The following RIMS2 variants were observed in gnomAD, a reference collection of about 807,000 sequenced individuals.
RIMS2 encodes the protein regulating synaptic membrane exocytosis 2.
In RIMS2, 59 loss-of-function variants were observed where a neutral mutation model predicts 174.4. The ratio of observed to expected loss-of-function variants is 0.34; its 90% CI spans 0.27 to 0.42. RIMS2 has a LOEUF of 0.42. Among genes scored for constraint, RIMS2 ranks in the 10% least tolerant of loss-of-function variants. The probability of loss-of-function intolerance (pLI) is 1.00; values close to 1 mark genes in which losing one functional copy is unlikely to be tolerated. For synonymous variants in RIMS2, 606 were observed against 572.5 expected (o/e 1.06, Z -0.84); for missense variants, 1,620 against 1,666.3 (o/e 0.97, Z 0.48).
chr8:103,987,747 A>G (rs1459198951), intron 16 of RIMS2, among the ~76,000 whole-genome samples: 1 of 152,210 alleles, frequency 6.6e-6, no homozygotes, highest in African/African-American at 2.4e-5. Flanking sequence ...CCAAAATATT[A>G]AAACTAATAT....
In RIMS2 at chr8:103,856,837, C is replaced by T. The variant is rs556127823; in HGVS notation, c.699-28461C>T. Among the ~76,000 whole-genome samples, 8 of 151,540 alleles carry T rather than the reference C, an allele frequency of 5.3e-5. No homozygotes were observed. In the South Asian group the frequency reaches 8.4e-4, roughly 16 times the overall value. ...TTTTTTTTTCTTTGAGAAGGAGTCT[C>T]GCTTTGTCGCCCAGGCTGGAGTGCA... On this transcript the variant is annotated intron_variant, in intron 3 of 23. Transcript: ENST00000504942.
chr8:103,855,976 TGTGTGGTTGTCTAAGTCTTTTC>T (rs550858899), intron 3 of RIMS2, among the ~76,000 whole-genome samples: 2 of 152,164 alleles, frequency 1.3e-5, no homozygotes, highest in Non-Finnish European at 2.9e-5. Context: ...TCACTATTAT[TGTGTGGTTGTCTAAGTCTTTTC>T]GTAGGCCAAG....
chr8:103,795,108 T>C (rs2098538941), intron 3 of RIMS2, among the ~76,000 whole-genome samples: 1 of 152,148 alleles, frequency 6.6e-6, no homozygotes, highest in African/African-American at 2.4e-5. Context: ...GGATTATAAA[T>C]CATGCTGCTA....
In RIMS2 at chr8:104,020,285, T is replaced by C. The variant is rs998084534; in HGVS notation, c.3334+5670T>C. 2.2e-4 allele frequency among the ~76,000 whole-genome samples: 33 copies of C among 152,014 alleles called. 2 individuals are homozygous for C. Among genetic ancestry groups the C allele is most frequent in the Admixed American group, 2.1e-3 (32 of 15,274 alleles). ...TCACTATTGTCTATTTTCAATATTATAAAGACAATGAGGGAGAAACATCAA... is the reference window on the plus strand; with the variant it reads ...TCACTATTGTCTATTTTCAATATTACAAAGACAATGAGGGAGAAACATCAA... On this transcript the variant is annotated intron_variant, in intron 19 of 23. Coordinates refer to ENST00000504942, the Ensembl canonical transcript of RIMS2.
intron 16 of RIMS2, among the ~76,000 whole-genome samples, chr8:103,983,417 C>T (rs762650108): frequency 6.6e-6 from 1 of 152,094 alleles, no homozygotes; most frequent in African/African-American, 2.4e-5. Context: ...CATGTGGAGC[C>T]ACAAAAGACA....
chr8:103,675,451 G>T (rs1350244791), intron 1 of RIMS2, among the ~76,000 whole-genome samples: 3 of 152,178 alleles, frequency 2.0e-5, no homozygotes, highest in Admixed American at 2.0e-4. Flanking sequence ...GCTTGACTCG[G>T]CCCTGCAGCT....
At chr8:104,203,244 T>G (rs2099063430) in intron 19 of RIMS2, among the ~76,000 whole-genome samples, 1 of 152,102 alleles carries the variant, frequency 6.6e-6, no homozygotes, top group Non-Finnish European at 1.5e-5. Context: ...ACCAAAAATG[T>G]TATCATGTAT....
chr8:104,193,258 G>T (rs1373750667), intron 19 of RIMS2, among the ~76,000 whole-genome samples: 1 of 152,026 alleles, frequency 6.6e-6, no homozygotes, highest in African/African-American at 2.4e-5. Context: ...TTCTGATTGA[G>T]TACTGTGGTT....
chr8:103,500,782 T>C lies in RIMS2; in HGVS notation c.-105T>C, dbSNP rs942843869. On this transcript the variant is annotated 5_prime_UTR_variant, in exon 1 of 24. It removes an upstream start codon present in the reference 5' UTR. Coordinates refer to ENST00000504942, the Ensembl canonical transcript of RIMS2. ...TTGGATTGAAGGCCATTGATTTGTA[T>C]GTATTTGTCCCAGCGCTGGAGGCTG... 6.5e-6 allele frequency: 4 copies of C among 613,202 alleles called. No individual in the cohort carries two copies. Among genetic ancestry groups the C allele is most frequent in the East Asian group, 3.2e-5 (1 of 31,614 alleles). The allele number at this position is 613,202 out of a possible 1,614,324, so 38.0% of individuals were successfully genotyped here. A position where few individuals can be genotyped will look rare whatever the true frequency, so the allele number is the denominator to read the frequency against.
chr8:103,765,977 A>G (rs2098166187), intron 2 of RIMS2, among the ~76,000 whole-genome samples: 1 of 152,122 alleles, frequency 6.6e-6, no homozygotes, highest in Admixed American at 6.5e-5. Context: ...ATACAAATGA[A>G]CAATCAGCAA....
intron 19 of RIMS2, among the ~76,000 whole-genome samples, chr8:104,075,359 T>A (rs1013097711): frequency 6.6e-6 from 1 of 152,208 alleles, no homozygotes; most frequent in African/African-American, 2.4e-5. Context: ...GCATTCTTCT[T>A]TGGAATAAGC....
At chr8:104,144,097 G>A (rs1207497079) in intron 19 of RIMS2, among the ~76,000 whole-genome samples, 1 of 151,892 alleles carries the variant, frequency 6.6e-6, no homozygotes, top group East Asian at 1.9e-4. Context: ...TGTTTCACTT[G>A]CTTTGTAGTT....
intron 1 of RIMS2, among the ~76,000 whole-genome samples, chr8:103,531,935 A>G (rs1837377936): frequency 6.6e-6 from 1 of 152,160 alleles, no homozygotes; most frequent in African/African-American, 2.4e-5. Flanking sequence ...AAGAAAAATA[A>G]TTAGTTAGAA....
At position 103,848,668 on chromosome 8, in the gene RIMS2, GT is replaced by G. The variant is rs565363697; in HGVS notation, c.699-36628del. Among the ~76,000 whole-genome samples the G allele has an allele frequency of 4.9e-3, 738 of 152,130 alleles. 4 individuals are homozygous for G. The highest frequency in any genetic ancestry group is 0.017 in the African/African-American group (720 of 41,540). On this transcript the variant is annotated intron_variant, in intron 3 of 23. Coordinates refer to ENST00000504942, the Ensembl canonical transcript of RIMS2. ...CTATTCTAGAACCCTATGGGTTTATGTTGTTCTACCACAGATATCTCTAGTA... is the reference window on the plus strand; with the variant it reads ...CTATTCTAGAACCCTATGGGTTTATGTGTTCTACCACAGATATCTCTAGTA...
intron 1 of RIMS2, among the ~76,000 whole-genome samples, chr8:103,691,563 C>G (rs978327235): frequency 1.3e-5 from 2 of 152,126 alleles, no homozygotes; most frequent in African/African-American, 4.8e-5. Context: ...TTAAATTTAT[C>G]TGATAGGATT....
intron 2 of RIMS2, among the ~76,000 whole-genome samples, chr8:103,745,704 A>G (rs529513058): frequency 6.6e-6 from 1 of 152,082 alleles, no homozygotes; most frequent in Non-Finnish European, 1.5e-5. Flanking sequence ...TTTGATTTGC[A>G]TTTTCCAGTG....
In RIMS2 at chr8:103,908,190, C is replaced by G. The variant is rs1261342334; in HGVS notation, c.1625-1944C>G. Among the ~76,000 whole-genome samples the G allele has an allele frequency of 1.1e-4, 17 of 152,210 alleles. No individual in the cohort carries two copies. In the East Asian group the frequency reaches 3.3e-3, roughly 29 times the overall value. ...CCGAATAGCTTGGACTACAGGCGTG[C>G]ACCACCATGCCCAGCTAATTTTTTG... On this transcript the variant is annotated intron_variant, in intron 4 of 23. Coordinates refer to ENST00000504942, the Ensembl canonical transcript of RIMS2.
intron 1 of RIMS2, among the ~76,000 whole-genome samples, chr8:103,524,761 C>T (rs1413147471): frequency 2.0e-5 from 3 of 152,118 alleles, no homozygotes; most frequent in African/African-American, 4.8e-5. Flanking sequence ...CTGCAGTCAC[C>T]CATTGCTACC....
intron 19 of RIMS2, among the ~76,000 whole-genome samples, chr8:104,053,308 C>T (rs1185475929): frequency 1.3e-5 from 2 of 152,140 alleles, no homozygotes; most frequent in African/African-American, 4.8e-5. Context: ...ATACAAGGCT[C>T]AGTTGAATGA....
Sources: allele counts gnomAD v4.1 joint callset (sites outside exome capture counted in the v4.1 genomes callset), GRCh38; gene constraint gnomAD v4.1.1; transcripts MANE v1.5; gene names NCBI Gene and HGNC (gene_info 2026-07-23, HGNC 2026-07-21).